The following TRDN variants were observed in gnomAD, a reference collection of about 807,000 sequenced individuals.
TRDN encodes triadin, also known as triadin in skeletal muscle.
TRDN carries 161 observed loss-of-function variants against 149.7 expected under a neutral mutation model. The observed-to-expected ratio is 1.08, with a 90% CI of 0.95 to 1.23. The LOEUF (loss-of-function observed/expected upper bound fraction) is 1.23. Ranked by LOEUF, TRDN falls within the 50% of genes most tolerant of loss-of-function variation. The probability of loss-of-function intolerance (pLI) is 0.00; values close to 1 mark genes in which losing one functional copy is unlikely to be tolerated. For synonymous variants in TRDN, 294 were observed against 250.5 expected (o/e 1.17, Z -1.64); for missense variants, 896 against 823.5 (o/e 1.09, Z -1.08).
intron 1 of TRDN, among the ~76,000 whole-genome samples, chr6:123,605,124 T>C (rs1458553844): frequency 2.0e-5 from 3 of 151,850 alleles, no homozygotes; most frequent in East Asian, 1.9e-4. Flanking sequence ...TAAGCTGTCA[T>C]CATTGTGACT....
chr6:123,319,504 A>G (rs1349643826), intron 23 of TRDN, among the ~76,000 whole-genome samples: 1 of 152,130 alleles, frequency 6.6e-6, no homozygotes, highest in Admixed American at 6.6e-5. Flanking sequence ...AACTTTATAT[A>G]TGAAGCTTAA....
intron 7 of TRDN, among the ~76,000 whole-genome samples, chr6:123,510,832 C>T (rs1779147129): frequency 6.6e-6 from 1 of 151,988 alleles, no homozygotes; most frequent in South Asian, 2.1e-4. Flanking sequence ...TTACTAGAGA[C>T]AGGATTTCAC....
At chr6:123,457,551 C>A (rs992996127) in intron 10 of TRDN, 1 of 437,870 alleles carries the variant, frequency 2.3e-6, no homozygotes, top group East Asian at 7.2e-5. Flanking sequence ...ATTTCTTTCC[C>A]TTTTCATTTT....
At chr6:123,456,060 CTATTTT>C (rs1318494702) in intron 10 of TRDN, among the ~76,000 whole-genome samples, 1 of 152,144 alleles carries the variant, frequency 6.6e-6, no homozygotes, top group African/African-American at 2.4e-5. Flanking sequence ...AAAGATACTG[CTATTTT>C]TATAACAGTT....
chr6:123,571,261 G>A (rs577704458), intron 1 of TRDN, 129 bp from the exon 2 acceptor site: 2 of 902,812 alleles, frequency 2.2e-6, no homozygotes, highest in Non-Finnish European at 3.3e-6. Context: ...CTCCTTAGTG[G>A]CAGGACAAAG....
At chr6:123,584,633 G>A (rs1250409992) in intron 1 of TRDN, among the ~76,000 whole-genome samples, 1 of 152,102 alleles carries the variant, frequency 6.6e-6, no homozygotes, top group Non-Finnish European at 1.5e-5. Flanking sequence ...GGGCTTGACT[G>A]AAGTAATGGG....
Position 123,512,352 on chromosome 6 carries a change from C to G in TRDN, c.561G>C (p.Lys187Asn). The change falls in exon 7 of 41, where the codon AAG becomes AAC. Residue 187 changes from lysine to asparagine, a missense_variant. Lys to Asn is a moderately conservative substitution (Grantham distance 94). Coordinates refer to ENST00000334268, the MANE Select transcript of TRDN (RefSeq NM_006073.4). Reference protein sequence around the residue: ...KEKPEKKATHKEKIEKKEKPE... With the variant: ...KEKPEKKATHNEKIEKKEKPE... ...GTTTTTCTTTTTTCTCAATTTTTTC[C>G]TTGTGAGTTGCTTAAACAGAAAATT... 6.7e-7 allele frequency: 1 copy of G among 1,501,496 alleles called. No individual in the cohort carries two copies. Among genetic ancestry groups the G allele is most frequent in the Non-Finnish European group, 9.1e-7 (1 of 1,095,802 alleles). 93.0% of individuals were successfully genotyped at this position (1,501,496 alleles called of 1,614,324 possible).
At chr6:123,546,131 T>C (rs1032347903) in intron 4 of TRDN, among the ~76,000 whole-genome samples, 1 of 152,126 alleles carries the variant, frequency 6.6e-6, no homozygotes, top group Admixed American at 6.5e-5. Context: ...GCTATAAATC[T>C]CTTGAAGTTT....
At chr6:123,489,869 C>T (rs1225578287) in intron 9 of TRDN, among the ~76,000 whole-genome samples, 1 of 151,730 alleles carries the variant, frequency 6.6e-6, no homozygotes, top group African/African-American at 2.4e-5. Flanking sequence ...ATAAAAGAAG[C>T]CTGGAGACAT....
chr6:123,392,773 C>G (rs1772542157), intron 13 of TRDN, among the ~76,000 whole-genome samples: 1 of 151,916 alleles, frequency 6.6e-6, no homozygotes, highest in Non-Finnish European at 1.5e-5. Context: ...CTGCATGTTG[C>G]TGGGTCCAAG....
chr6:123,616,832 A>G (rs1410692339), intron 1 of TRDN, among the ~76,000 whole-genome samples: 1 of 152,126 alleles, frequency 6.6e-6, no homozygotes, highest in Non-Finnish European at 1.5e-5. Flanking sequence ...TGTATCCCAC[A>G]TTCTGATCCC....
At chr6:123,500,826 T>C (rs1179721275) in intron 8 of TRDN, among the ~76,000 whole-genome samples, 1 of 152,186 alleles carries the variant, frequency 6.6e-6, no homozygotes, top group Non-Finnish European at 1.5e-5. Flanking sequence ...CAGTACTCTA[T>C]AACAGATTCA....
intron 3 of TRDN, 125 bp from the exon 4 acceptor site, chr6:123,547,497 A>C: frequency 3.9e-6 from 2 of 515,172 alleles, no homozygotes; most frequent in Non-Finnish European, 6.4e-6. Context: ...TAGTCTTTAC[A>C]TTACTTTGCT....
intron 9 of TRDN, among the ~76,000 whole-genome samples, chr6:123,484,594 C>T (rs1302950129): frequency 1.3e-5 from 2 of 152,044 alleles, no homozygotes; most frequent in Non-Finnish European, 2.9e-5. Flanking sequence ...TTAGAACATG[C>T]TTTTAATAGT....
intron 24 of TRDN, among the ~76,000 whole-genome samples, chr6:123,310,246 A>G (rs1778767541): frequency 6.6e-6 from 1 of 152,094 alleles, no homozygotes; most frequent in East Asian, 1.9e-4. Flanking sequence ...TGATGCTGAG[A>G]ATGCTCCAAA....
chr6:123,568,232 G>T (rs1782389122), intron 2 of TRDN, among the ~76,000 whole-genome samples: 1 of 152,142 alleles, frequency 6.6e-6, no homozygotes, highest in Non-Finnish European at 1.5e-5. Flanking sequence ...CAAGGAATTG[G>T]GCAGCTCTAC....
rs1178594341 is a variant in TRDN, at chr6:123,512,290, A to G, written c.610+13T>C. On this transcript the variant is annotated intron_variant, in intron 7 of 40. Transcript: ENST00000334268. The stretch of plus-strand genomic sequence containing the variant: ...AAGAATTTAGTTATGGAAATAATAA[A>G]TTGAAAAGTTACCTTTCGCCAGTGT... 2 of 1,385,580 alleles carry G rather than the reference A, an allele frequency of 1.4e-6. No individual in the cohort carries two copies. Among genetic ancestry groups the G allele is most frequent in the Non-Finnish European group, 2.0e-6 (2 of 1,003,130 alleles). The allele number at this position is 1,385,580 out of a possible 1,614,324, so 85.8% of individuals were successfully genotyped here.
At chr6:123,349,944 T>C (rs1780394204) in intron 21 of TRDN, 1 of 985,282 alleles carries the variant, frequency 1.0e-6, no homozygotes, top group Non-Finnish European at 1.2e-6. Flanking sequence ...GAACCATTGT[T>C]TACAGAATAG....
intron 38 of TRDN, among the ~76,000 whole-genome samples, chr6:123,241,412 C>T (rs1775984637): frequency 6.6e-6 from 1 of 151,356 alleles, no homozygotes; most frequent in African/African-American, 2.4e-5. Context: ...TCTATGAAAT[C>T]TGTATTTAAT....
Sources: allele counts gnomAD v4.1 joint callset (sites outside exome capture counted in the v4.1 genomes callset), GRCh38; gene constraint gnomAD v4.1.1; transcripts MANE v1.5; gene names NCBI Gene and HGNC (gene_info 2026-07-23, HGNC 2026-07-21).